The following EXOC6B variants were observed in gnomAD, a reference collection of about 807,000 sequenced individuals.
EXOC6B encodes the protein SEC15 homolog B.
Under a neutral mutation model 113.5 loss-of-function variants are expected in EXOC6B, and 54 were observed. The ratio of observed to expected loss-of-function variants is 0.48; its 90% CI spans 0.38 to 0.60. EXOC6B has a LOEUF of 0.60. Ranked by LOEUF, EXOC6B falls within the 20% of genes least tolerant of loss-of-function variation. The pLI is 0.00. For missense variants in EXOC6B, 797 were observed against 977.5 expected, an observed-to-expected ratio of 0.82 and a Z score of 2.46; for synonymous variants, 357 against 339.0, an observed-to-expected ratio of 1.05 and a Z score of -0.58.
intron 5 of EXOC6B, among the ~76,000 whole-genome samples, chr2:72,719,267 G>C (rs946109296): frequency 6.6e-6 from 1 of 152,142 alleles, no homozygotes; most frequent in African/African-American, 2.4e-5. Context: ...AGTGAAAGTA[G>C]CAAACTCAGT....
intron 8 of EXOC6B, 98 bp from the exon 9 acceptor site, chr2:72,515,224 G>C (rs1701153576): frequency 6.2e-6 from 7 of 1,137,042 alleles, no homozygotes; most frequent in African/African-American, 1.6e-5. Flanking sequence ...ATTTGAGGTA[G>C]TATCACATTT....
At chr2:72,298,299 T>C (rs1162254299) in intron 20 of EXOC6B, among the ~76,000 whole-genome samples, 2 of 152,192 alleles carry the variant, frequency 1.3e-5, no homozygotes, top group African/African-American at 4.8e-5. Flanking sequence ...GAGACTAGGA[T>C]TGCAACCCCT....
At chr2:72,297,148 T>G (rs974108729) in intron 20 of EXOC6B, among the ~76,000 whole-genome samples, 5 of 152,126 alleles carry the variant, frequency 3.3e-5, no homozygotes, top group African/African-American at 1.2e-4. Flanking sequence ...AAATATAAAT[T>G]TTTAGGCAAA....
chr2:72,387,846 T>C (rs1241630566), intron 18 of EXOC6B, among the ~76,000 whole-genome samples: 1 of 152,192 alleles, frequency 6.6e-6, no homozygotes, highest in Non-Finnish European at 1.5e-5. Context: ...TATTATTTCC[T>C]TTTTCCTATT....
intron 6 of EXOC6B, among the ~76,000 whole-genome samples, chr2:72,595,843 C>T (rs1670051292): frequency 1.3e-5 from 2 of 152,114 alleles, no homozygotes; most frequent in South Asian, 2.1e-4. Context: ...TATAAAAATG[C>T]TGAAGGCTAA....
intron 11 of EXOC6B, among the ~76,000 whole-genome samples, chr2:72,508,163 CA>C (rs67586747): frequency 0.63 from 36,352 of 57,676 alleles, 10,466 homozygotes; most frequent in South Asian, 0.76. Context: ...ATATTACCCG[CA>C]AAAAAAAAAA....
At chr2:72,400,035 C>T (rs1693034899) in intron 18 of EXOC6B, among the ~76,000 whole-genome samples, 1 of 152,186 alleles carries the variant, frequency 6.6e-6, no homozygotes, top group East Asian at 1.9e-4. Flanking sequence ...TCAAATTACA[C>T]TACAAAGCTA....
chr2:72,443,722 T>C (rs1468023720), intron 18 of EXOC6B, among the ~76,000 whole-genome samples: 1 of 152,164 alleles, frequency 6.6e-6, no homozygotes, highest in Non-Finnish European at 1.5e-5. Flanking sequence ...AACTCCCCTT[T>C]TTAAAAACAT....
intron 18 of EXOC6B, among the ~76,000 whole-genome samples, chr2:72,396,455 T>G (rs1692729695): frequency 1.3e-5 from 2 of 152,176 alleles, no homozygotes; most frequent in Admixed American, 1.3e-4. Flanking sequence ...CAATTTAGCT[T>G]CTTCTAAATA....
At chr2:72,238,680 T>C (rs1040859319) in intron 20 of EXOC6B, among the ~76,000 whole-genome samples, 6 of 152,242 alleles carry the variant, frequency 3.9e-5, no homozygotes, top group African/African-American at 1.4e-4. Context: ...GTTCATGTAA[T>C]TGTTGGCCAT....
At chr2:72,647,918 A>G (rs1172322898) in intron 6 of EXOC6B, among the ~76,000 whole-genome samples, 1 of 152,204 alleles carries the variant, frequency 6.6e-6, no homozygotes, top group Non-Finnish European at 1.5e-5. Flanking sequence ...AGAAAAACCA[A>G]AATAGACAAA....
intron 2 of EXOC6B, among the ~76,000 whole-genome samples, 192 bp downstream of exon 2, chr2:72,741,112 A>C (rs940762168): frequency 6.6e-6 from 1 of 152,062 alleles, no homozygotes; most frequent in African/African-American, 2.4e-5. Context: ...TCAAAAAAAA[A>C]AGGGGGGGTG....
At chr2:72,368,284 G>A (rs561998948) in intron 19 of EXOC6B, among the ~76,000 whole-genome samples, 8 of 152,140 alleles carry the variant, frequency 5.3e-5, no homozygotes, top group South Asian at 2.1e-4. Context: ...TAAATTCCTC[G>A]ACACATACAC....
intron 20 of EXOC6B, among the ~76,000 whole-genome samples, chr2:72,316,196 A>G (rs926977437): frequency 6.6e-6 from 1 of 152,214 alleles, no homozygotes; most frequent in Non-Finnish European, 1.5e-5. Context: ...AATACCTGAC[A>G]CTTGAACCCA....
At chr2:72,653,976 T>A (rs796115628) in intron 6 of EXOC6B, among the ~76,000 whole-genome samples, 1,791 of 150,946 alleles carry the variant, frequency 0.012, 24 homozygotes, top group African/African-American at 0.023. Context: ...ATTTATTTTT[T>A]TTTTTTTTTT....
At chr2:72,472,241 G>A (rs757089275) in intron 17 of EXOC6B, among the ~76,000 whole-genome samples, 54 of 152,012 alleles carry the variant, frequency 3.6e-4, no homozygotes, top group Non-Finnish European at 3.4e-4. Flanking sequence ...AATAAGTTAC[G>A]GAGAATTCTC....
intron 18 of EXOC6B, among the ~76,000 whole-genome samples, chr2:72,396,642 A>G (rs963524589): frequency 6.6e-6 from 1 of 152,178 alleles, no homozygotes; most frequent in African/African-American, 2.4e-5. Context: ...GTTCCTGGAT[A>G]AAGTGTTACA....
chr2:72,474,380 T>C (rs1698606375), intron 17 of EXOC6B, among the ~76,000 whole-genome samples: 1 of 152,138 alleles, frequency 6.6e-6, no homozygotes, highest in Non-Finnish European at 1.5e-5. Flanking sequence ...TATTTCTTTT[T>C]GCCTTCTGGA....
At chr2:72,810,857 C>A (rs1179650100) in intron 1 of EXOC6B, among the ~76,000 whole-genome samples, 1 of 152,014 alleles carries the variant, frequency 6.6e-6, no homozygotes, top group Non-Finnish European at 1.5e-5. Context: ...AGTTCAAGAC[C>A]AGGCTGGGTG....
Sources: gnomAD v4.1 joint callset for allele counts (sites outside exome capture counted in the v4.1 genomes callset) on GRCh38, gnomAD v4.1.1 for gene constraint, MANE v1.5 for transcripts, NCBI Gene and HGNC (gene_info 2026-07-23, HGNC 2026-07-21) for gene names.